Variants in GRIN2B observed in about 807,000 individuals in gnomAD.
The protein encoded by GRIN2B is glutamate ionotropic receptor NMDA type subunit 2B, also known as glutamate receptor ionotropic, NMDA 2B.
A neutral mutation model predicts 114.5 loss-of-function variants in GRIN2B; 5 were observed. That is an observed-to-expected ratio of 0.04 (90% CI 0.02 to 0.09). The LOEUF (loss-of-function observed/expected upper bound fraction) is 0.09. Among genes scored for constraint, GRIN2B ranks in the 10% least tolerant of loss-of-function variants. The probability of loss-of-function intolerance (pLI) is 1.00; values close to 1 mark genes in which losing one functional copy is unlikely to be tolerated. For synonymous variants in GRIN2B, 787 were observed against 745.1 expected (o/e 1.06, Z -0.92); for missense variants, 1,108 against 1,943.5 (o/e 0.57, Z 8.08).
intron 3 of GRIN2B, among the ~76,000 whole-genome samples, chr12:13,831,941 T>C (rs1414715941): frequency 6.6e-6 from 1 of 152,250 alleles, no homozygotes; most frequent in African/African-American, 2.4e-5. Flanking sequence ...AACACTTTCA[T>C]ATGTCTGTTC....
At chr12:13,650,847 A>G (rs1379371639) in intron 5 of GRIN2B, among the ~76,000 whole-genome samples, 1 of 152,096 alleles carries the variant, frequency 6.6e-6, no homozygotes, top group Non-Finnish European at 1.5e-5. Flanking sequence ...ATGAAGGCAT[A>G]CATTTTTGTC....
intron 10 of GRIN2B, among the ~76,000 whole-genome samples, chr12:13,590,100 G>C (rs553305532): frequency 7.0e-4 from 107 of 152,206 alleles, no homozygotes; most frequent in Non-Finnish European, 1.2e-3. Flanking sequence ...CTAAGTCTCT[G>C]AGAGAGCTTG....
intron 5 of GRIN2B, among the ~76,000 whole-genome samples, chr12:13,623,134 C>T (rs767621617): frequency 7.9e-5 from 12 of 152,198 alleles, no homozygotes; most frequent in Non-Finnish European, 1.2e-4. Context: ...ACTTACTTTT[C>T]CCACTTCAGT....
intron 2 of GRIN2B, among the ~76,000 whole-genome samples, chr12:13,952,038 G>C (rs968069915): frequency 6.6e-6 from 1 of 151,902 alleles, no homozygotes; most frequent in Non-Finnish European, 1.5e-5. Flanking sequence ...CAGTAAGAGA[G>C]AAAATTATTA....
At chr12:13,607,277 TATAA>T (rs1949273274) in intron 10 of GRIN2B, among the ~76,000 whole-genome samples, 2 of 16,748 alleles carry the variant, frequency 1.2e-4, no homozygotes, top group African/African-American at 3.5e-4. Flanking sequence ...ATATAAAATA[TATAA>T]TATATATTAT....
intron 10 of GRIN2B, among the ~76,000 whole-genome samples, chr12:13,591,895 A>T (rs993130324): frequency 6.6e-6 from 1 of 152,234 alleles, no homozygotes; most frequent in East Asian, 1.9e-4. Flanking sequence ...CCCAAGAAAC[A>T]ATACTATAAG....
rs767292579 is a variant in GRIN2B at position 13,547,386 on chromosome 12, G to T, written c.*15397C>A. 2 of 152,180 alleles carry T rather than the reference G, an allele frequency of 1.3e-5. No individual in the cohort carries two copies. The highest frequency in any genetic ancestry group is 2.4e-5 in the African/African-American group (1 of 41,456). 9.4% of individuals were successfully genotyped at this position (152,180 alleles called of 1,614,324 possible). On this transcript the variant is annotated 3_prime_UTR_variant, in exon 14 of 14. Coordinates refer to ENST00000609686, the MANE Select transcript of GRIN2B (RefSeq NM_000834.5). ...TTGGAATCATGGCCACCCAGAAGAG[G>T]AAAGGGGTGATCATGTGTCTCAAAG...
At chr12:13,607,231 A>AT (rs1229241907) in intron 10 of GRIN2B, among the ~76,000 whole-genome samples, 5 of 96,244 alleles carry the variant, frequency 5.2e-5, no homozygotes, top group Non-Finnish European at 9.3e-5. Flanking sequence ...AAAATATATA[A>AT]TATATATTAT....
intron 4 of GRIN2B, among the ~76,000 whole-genome samples, chr12:13,690,325 G>A (rs1243129811): frequency 4.3e-5 from 5 of 115,700 alleles, no homozygotes; most frequent in South Asian, 5.7e-4. Flanking sequence ...ACATGCACAC[G>A]CACAATCTAT....
chr12:13,952,101 G>C (rs926638020), intron 2 of GRIN2B, among the ~76,000 whole-genome samples: 2 of 152,032 alleles, frequency 1.3e-5, no homozygotes, highest in Middle Eastern at 3.4e-3. Flanking sequence ...AGAAGTCAAC[G>C]TGTATATGGT....
At chr12:13,878,111 G>A (rs1013813152) in intron 2 of GRIN2B, among the ~76,000 whole-genome samples, 10 of 149,538 alleles carry the variant, frequency 6.7e-5, no homozygotes, top group African/African-American at 1.2e-4. Flanking sequence ...TCCGCTCTGC[G>A]CTAAGCCCTG....
In GRIN2B at chr12:13,562,701, C is replaced by T. The variant is rs1365114320; in HGVS notation, c.*82G>A. On this transcript the variant is annotated 3_prime_UTR_variant, in exon 14 of 14. Transcript: ENST00000609686. Reference sequence around the variant, plus strand: ...GGAGCAAATGGGAACCAAGTTCACCCCCGTCACCCTCCGTGACATGCGCAT... The same window carrying T: ...GGAGCAAATGGGAACCAAGTTCACCTCCGTCACCCTCCGTGACATGCGCAT... 1 of 1,151,482 alleles carries T rather than the reference C, an allele frequency of 8.7e-7. No individual in the cohort carries two copies. The highest frequency in any genetic ancestry group is 1.3e-6 in the Non-Finnish European group (1 of 760,140). The allele number at this position is 1,151,482 out of a possible 1,614,324, so 71.3% of individuals were successfully genotyped here.
chr12:13,922,185 T>C (rs1305399180), intron 2 of GRIN2B, among the ~76,000 whole-genome samples: 4 of 152,178 alleles, frequency 2.6e-5, no homozygotes, highest in Non-Finnish European at 4.4e-5. Context: ...GTTAAACAAG[T>C]AGACTGAATC....
At position 13,718,492 on chromosome 12, in the gene GRIN2B, G is replaced by C. The variant is rs560661046; in HGVS notation, c.1010+34825C>G. Among the ~76,000 whole-genome samples the C allele has an allele frequency of 2.4e-4, 37 of 152,184 alleles. 1 individual carries two copies. In the South Asian group the frequency reaches 6.4e-3, roughly 26 times the overall value. On this transcript the variant is annotated intron_variant, in intron 4 of 13. Coordinates refer to ENST00000609686, the MANE Select transcript of GRIN2B (RefSeq NM_000834.5). ...CAAAGATGAAGGGGTGGGGTGAGGA[G>C]AAGCCGGACTTGTTACTGGCTTACA...
At chr12:13,957,264 C>G (rs375797890) in intron 2 of GRIN2B, among the ~76,000 whole-genome samples, 5 of 152,108 alleles carry the variant, frequency 3.3e-5, no homozygotes, top group African/African-American at 1.2e-4. Context: ...AATATAGTAA[C>G]TAGTATTTTT....
intron 3 of GRIN2B, among the ~76,000 whole-genome samples, chr12:13,854,530 GC>G (rs1489116246): frequency 1.3e-5 from 2 of 151,728 alleles, no homozygotes; most frequent in East Asian, 3.9e-4. Flanking sequence ...AAAACAAGAA[GC>G]AAAAAGCAAA....
intron 3 of GRIN2B, among the ~76,000 whole-genome samples, chr12:13,756,930 TAAA>T (rs1863586105): frequency 6.6e-6 from 1 of 152,206 alleles, no homozygotes; most frequent in South Asian, 2.1e-4. Context: ...AAGTAGCTTG[TAAA>T]GACACTGCTA....
intron 3 of GRIN2B, among the ~76,000 whole-genome samples, chr12:13,839,123 A>G (rs1273619320): frequency 6.6e-6 from 1 of 152,260 alleles, no homozygotes; most frequent in African/African-American, 2.4e-5. Context: ...AGGTTAAGTC[A>G]GCTCTGGCAC....
rs1008084748 is a variant in GRIN2B at position 13,560,578 on chromosome 12, G to A, written c.*2205C>T. The A allele has an allele frequency of 1.2e-4, 19 of 152,182 alleles. No individual in the cohort carries two copies. Among genetic ancestry groups the A allele is most frequent in the African/African-American group, 3.9e-4 (16 of 41,428 alleles). The allele number at this position is 152,182 out of a possible 1,614,324, so 9.4% of individuals were successfully genotyped here. A position where few individuals can be genotyped will look rare whatever the true frequency, so the allele number is the denominator to read the frequency against. ...CCTGACCCCTGGACAGAGTCAGGGC[G>A]AAGCAGTGTTTACGTGGCCCTTCGC... is the stretch of plus-strand genomic sequence containing the variant. On this transcript the variant is annotated 3_prime_UTR_variant, in exon 14 of 14. Transcript: ENST00000609686.
Sources: allele counts gnomAD v4.1 joint callset (sites outside exome capture counted in the v4.1 genomes callset), GRCh38; gene constraint gnomAD v4.1.1; transcripts MANE v1.5; gene names NCBI Gene and HGNC (gene_info 2026-07-23, HGNC 2026-07-21).